ZNF292: variants seen among roughly 807,000 people sequenced by gnomAD.
ZNF292 encodes the protein zinc finger protein 292.
Under a neutral mutation model 217.9 loss-of-function variants are expected in ZNF292, and 26 were observed. That is an observed-to-expected ratio of 0.12 (90% CI 0.09 to 0.17). The LOEUF (loss-of-function observed/expected upper bound fraction) is 0.17, where lower values mean the gene tolerates loss of function less well. Among genes scored for constraint, ZNF292 ranks in the 10% least tolerant of loss-of-function variants. The pLI is 1.00. For synonymous variants in ZNF292, 1,257 were observed against 1,124.1 expected (o/e 1.12, Z -2.37); for missense variants, 2,904 against 3,175.2 (o/e 0.91, Z 2.05).
At chr6:87,238,312 C>A (rs1458067110) in intron 5 of ZNF292, among the ~76,000 whole-genome samples, 1 of 151,910 alleles carries the variant, frequency 6.6e-6, no homozygotes, top group Non-Finnish European at 1.5e-5. Context: ...CATGGTGAAA[C>A]CCCGTCTCTA....
chr6:87,162,914 T>C, intron 1 of ZNF292, among the ~76,000 whole-genome samples: 1 of 152,224 alleles, frequency 6.6e-6, no homozygotes, highest in African/African-American at 2.4e-5. Context: ...TATGCTCTTA[T>C]AGTTGTAAAA....
chr6:87,261,333 T>C lies in ZNF292; in HGVS notation c.7704T>C (p.Ala2568=). The C allele has an allele frequency of 6.2e-7, 1 of 1,613,470 alleles. No individual in the cohort carries two copies. Among genetic ancestry groups the C allele is most frequent in the Non-Finnish European group, 8.5e-7 (1 of 1,179,680 alleles). ...LSSVRKEEET[A]VAIQTIEEHP... ...GCGTGCGTAAAGAAGAAGAAACTGCTGTTGCCATTCAAACCATTGAGGAGC... is the reference window on the plus strand; with the variant it reads ...GCGTGCGTAAAGAAGAAGAAACTGCCGTTGCCATTCAAACCATTGAGGAGC... Residue 2568 remains alanine, a synonymous_variant, in exon 8 of 8, where the codon GCT becomes GCC. Transcript: ENST00000369577.
In ZNF292 at chr6:87,168,466, T is replaced by C. The variant is rs536361842; in HGVS notation, c.168+12707T>C. Reference sequence around the variant, plus strand: ...CTGATATATAGGAGGTGATGTTATATATTAGCTTCGTAATAGTTTTTTTTG... The same window carrying C: ...CTGATATATAGGAGGTGATGTTATACATTAGCTTCGTAATAGTTTTTTTTG... On this transcript the variant is annotated intron_variant, in intron 1 of 7. Coordinates refer to ENST00000369577, the MANE Select transcript of ZNF292 (RefSeq NM_015021.3). Among the ~76,000 whole-genome samples the C allele has an allele frequency of 3.3e-5, 5 of 152,240 alleles. 1 individual carries two copies. Among genetic ancestry groups the C allele is most frequent in the Admixed American group, 2.0e-4 (3 of 15,282 alleles).
intron 5 of ZNF292, among the ~76,000 whole-genome samples, chr6:87,241,893 G>T (rs945771851): frequency 3.3e-5 from 5 of 152,158 alleles, no homozygotes; most frequent in Non-Finnish European, 7.3e-5. Context: ...GTATGAGGGG[G>T]TTACATCTAG....
At chr6:87,209,104 A>AACCCC (rs1772370238) in intron 1 of ZNF292, among the ~76,000 whole-genome samples, 1 of 137,306 alleles carries the variant, frequency 7.3e-6, no homozygotes, top group Non-Finnish European at 1.6e-5. Flanking sequence ...CCCCACTTTC[A>AACCCC]CCCCCCCCTC....
At position 87,254,671 on chromosome 6, in the gene ZNF292, A is replaced by C. The variant is rs374853465; in HGVS notation, c.1042A>C (p.Thr348Pro). 3.5e-5 allele frequency: 57 copies of C among 1,608,046 alleles called. No individual in the cohort carries two copies. The highest frequency in any genetic ancestry group is 4.1e-5 in the Non-Finnish European group (48 of 1,175,592). The change falls in exon 8 of 8, where the codon ACC becomes CCC. Residue 348 changes from threonine to proline, a missense_variant. Thr to Pro is a conservative substitution (Grantham distance 38). Around this residue, in one of 15 missense-constraint regions of ZNF292, gnomAD observed 313 missense variants for 451.0 expected, o/e 0.69. Coordinates refer to ENST00000369577, the MANE Select transcript of ZNF292 (RefSeq NM_015021.3). ...ACAGACTGAAGGGGCTGGACTTGCT[A>C]CCTGTATAGAACTGTGTGTAAAGGC... ...NSETEGAGLATCIELCVKALR... is the reference protein window; with the variant it reads ...NSETEGAGLAPCIELCVKALR...
In ZNF292 at chr6:87,257,838, G is replaced by A. The variant is rs750313399; in HGVS notation, c.4209G>A (p.Leu1403=). Residue 1403 remains leucine, a synonymous_variant, in exon 8 of 8, where the codon CTG becomes CTA. Coordinates refer to ENST00000369577, the MANE Select transcript of ZNF292 (RefSeq NM_015021.3). Reference sequence around the variant, plus strand: ...CCAAGCGATCTTACTGTAAACCACTGGATGGAGCCGAAATTGCTCAAGAAC... The same window carrying A: ...CCAAGCGATCTTACTGTAAACCACTAGATGGAGCCGAAATTGCTCAAGAAC... ...HLSKRSYCKP[L]DGAEIAQELL... 6.2e-7 allele frequency: 1 copy of A among 1,613,842 alleles called. No homozygotes were observed. The highest frequency in any genetic ancestry group is 8.5e-7 in the Non-Finnish European group (1 of 1,179,802).
chr6:87,214,964 A>G (rs1772671009), intron 1 of ZNF292: 1 of 150,268 alleles, frequency 6.7e-6, no homozygotes, highest in Non-Finnish European at 1.5e-5. Context: ...GGCCCTCAGG[A>G]AATTTTTTTT....
At chr6:87,207,759 C>T (rs932819145) in intron 1 of ZNF292, among the ~76,000 whole-genome samples, 2 of 152,114 alleles carry the variant, frequency 1.3e-5, no homozygotes, top group Admixed American at 1.3e-4. Flanking sequence ...TTTAAATCTC[C>T]TCTAAGCTTA....
chr6:87,221,890 A>G (rs562701403), intron 4 of ZNF292, among the ~76,000 whole-genome samples: 2 of 152,204 alleles, frequency 1.3e-5, no homozygotes, highest in Non-Finnish European at 2.9e-5. Flanking sequence ...CTAACAATTT[A>G]TACTTAAGTT....
intron 7 of ZNF292, among the ~76,000 whole-genome samples, chr6:87,251,513 T>C (rs1360242684): frequency 2.0e-5 from 3 of 152,218 alleles, no homozygotes; most frequent in East Asian, 3.8e-4. Flanking sequence ...TGGAAAGGGA[T>C]TGAGTTTCTG....
chr6:87,258,741 G>A lies in ZNF292; in HGVS notation c.5112G>A (p.Glu1704=). Residue 1704 remains glutamate, a synonymous_variant, in exon 8 of 8, where the codon GAG becomes GAA. Coordinates refer to ENST00000369577, the MANE Select transcript of ZNF292 (RefSeq NM_015021.3). ...AGTTATTTATGACTGATGTAAAAGAGAATTTCAAAACCAGTCTTGAGTCCC... is the reference window on the plus strand; with the variant it reads ...AGTTATTTATGACTGATGTAAAAGAAAATTTCAAAACCAGTCTTGAGTCCC... The part of the protein sequence containing the change: ...NNQLFMTDVK[E]NFKTSLESHT... The A allele has an allele frequency of 6.2e-7, 1 of 1,613,342 alleles. No individual in the cohort carries two copies. Among genetic ancestry groups the A allele is most frequent in the Non-Finnish European group, 8.5e-7 (1 of 1,179,652 alleles).
In ZNF292 at chr6:87,259,014, T is replaced by A. The variant is rs1332129905; in HGVS notation, c.5385T>A (p.Leu1795=). The change falls in exon 8 of 8, where the codon CTT becomes CTA. Residue 1795 remains leucine, a synonymous_variant. Transcript: ENST00000369577. ...QNAQINYNIQ[L]PSVNTVQNNK... ...CTCAAATAAATTATAACATTCAGCT[T>A]CCTTCAGTAAACACTGTGCAAAATA... 1.2e-6 allele frequency: 2 copies of A among 1,613,438 alleles called. No individual in the cohort carries two copies. Among genetic ancestry groups the A allele is most frequent in the Non-Finnish European group, 1.7e-6 (2 of 1,179,684 alleles).
At chr6:87,225,447 C>T (rs1175640441) in intron 4 of ZNF292, among the ~76,000 whole-genome samples, 1 of 152,058 alleles carries the variant, frequency 6.6e-6, no homozygotes, top group East Asian at 1.9e-4. Flanking sequence ...TCGTGAAATC[C>T]AAGGCCATAT....
rs750760597 is a variant in ZNF292 at position 87,258,018 on chromosome 6, A to G, written c.4389A>G (p.Pro1463=). The stretch of plus-strand genomic sequence containing the variant: ...AGCTTCTTGCTGAAAATCGCTCGCC[A>G]GCATTTTTACCAAATACATTTCCTC... ...FLQLLAENRS[P]AFLPNTFPRS... Residue 1463 remains proline (P), a synonymous_variant, in exon 8 of 8, where the codon CCA becomes CCG. Coordinates refer to ENST00000369577, the MANE Select transcript of ZNF292 (RefSeq NM_015021.3). 6.2e-7 allele frequency: 1 copy of G among 1,613,920 alleles called. No homozygotes were observed. Among genetic ancestry groups the G allele is most frequent in the South Asian group, 1.1e-5 (1 of 91,086 alleles).
Position 87,250,425 on chromosome 6 carries a change from G to T in ZNF292, c.1021-4225G>T, listed in dbSNP as rs138635345. ...TTCACTCCACTGCACTTCAGCCTGG[G>T]TGACAAAGTGAGACCCTGTCTCAAA... On this transcript the variant is annotated intron_variant, in intron 7 of 7. Coordinates refer to ENST00000369577, the MANE Select transcript of ZNF292 (RefSeq NM_015021.3). Among the ~76,000 whole-genome samples the T allele has an allele frequency of 8.3e-3, 1,264 of 152,174 alleles. 14 individuals carry two copies. Among genetic ancestry groups the T allele is most frequent in the Non-Finnish European group, 0.014 (970 of 68,016 alleles).
At position 87,258,722 on chromosome 6, in the gene ZNF292, T is replaced by G. The variant is rs199693796; in HGVS notation, c.5093T>G (p.Phe1698Cys). The G allele has an allele frequency of 6.2e-7, 1 of 1,613,288 alleles. No homozygotes were observed. The highest frequency in any genetic ancestry group is 2.2e-5 in the East Asian group (1 of 44,854). Reference protein sequence around the residue: ...QKLNNVNNQLFMTDVKENFKT... With the variant: ...QKLNNVNNQLCMTDVKENFKT... ...TTAAATAATGTTAACAATCAGTTATTTATGACTGATGTAAAAGAGAATTTC... is the reference window on the plus strand; with the variant it reads ...TTAAATAATGTTAACAATCAGTTATGTATGACTGATGTAAAAGAGAATTTC... Residue 1698 changes from phenylalanine to cysteine, a missense_variant, in exon 8 of 8, where the codon TTT becomes TGT. Physicochemically the swap from Phe to Cys is radical, Grantham distance 205 (BLOSUM62 -2). Around this residue, in one of 15 missense-constraint regions of ZNF292, gnomAD observed 622 missense variants for 573.1 expected, o/e 1.09. Transcript: ENST00000369577.
rs188333496 is a variant in ZNF292, at chr6:87,237,784, G to A, written c.741+4257G>A. Among the ~76,000 whole-genome samples, 156 of 152,230 alleles carry A rather than the reference G, an allele frequency of 1.0e-3. 3 individuals carry two copies. Among genetic ancestry groups the A allele is most frequent in the Admixed American group, 8.8e-3 (135 of 15,288 alleles). On this transcript the variant is annotated intron_variant, in intron 5 of 7. Transcript: ENST00000369577. ...ATTGGTTTTAAATATTTTATTAAGA[G>A]TTCTAAATTTTCTGGTATTTAAATT...
chr6:87,217,324 G>A (rs1009757875), intron 3 of ZNF292, among the ~76,000 whole-genome samples: 5 of 151,998 alleles, frequency 3.3e-5, no homozygotes, highest in Admixed American at 6.6e-5. Context: ...CTTATTTAAC[G>A]TCATAGGATT....
Sources: gnomAD v4.1 joint callset for allele counts (sites outside exome capture counted in the v4.1 genomes callset) on GRCh38, gnomAD v4.1.1 for gene constraint, gnomAD v4.1.1 regional missense constraint, MANE v1.5 for transcripts, NCBI Gene and HGNC (gene_info 2026-07-23, HGNC 2026-07-21) for gene names.